The following INTS1 variants were observed in gnomAD, a reference collection of about 807,000 sequenced individuals.
INTS1 encodes the protein integrator complex subunit 1.
INTS1 carries 137 observed loss-of-function variants against 241.6 expected under a neutral mutation model. That is an observed-to-expected ratio of 0.57 (90% CI 0.49 to 0.65). INTS1 has a LOEUF of 0.65. Ranked by LOEUF, INTS1 falls within the 30% of genes least tolerant of loss-of-function variation. The pLI is 0.00. For synonymous variants in INTS1, 1,692 were observed against 1,337.8 expected, an observed-to-expected ratio of 1.26 and a Z score of -5.78; for missense variants, 3,073 against 3,032.2, an observed-to-expected ratio of 1.01 and a Z score of -0.32.
chr7:1,489,023 G>C (rs964108145), intron 18 of INTS1, among the ~76,000 whole-genome samples: 10 of 152,056 alleles, frequency 6.6e-5, no homozygotes, highest in Non-Finnish European at 1.2e-4. Context: ...ACGTCCTCCA[G>C]CATCGCACCA....
Position 1,476,664 on chromosome 7 carries a change from G to C in INTS1, c.5064-7C>G, listed in dbSNP as rs1278799875. The stretch of plus-strand genomic sequence containing the variant: ...AGAGGCAGAGGGGTCGAACCTGTGG[G>C]GAGGCAAAGGTTCCAGAGCACGAGG... On this transcript the variant is annotated splice_region_variant and splice_polypyrimidine_tract_variant and intron_variant, in intron 36 of 47. Transcript: ENST00000404767. The C allele has an allele frequency of 1.9e-6, 3 of 1,612,446 alleles. No individual in the cohort carries two copies. The African/African-American group carries it at 4.0e-5, about 22-fold the overall frequency.
chr7:1,492,979 G>T (rs373234485), intron 16 of INTS1, 31 bp downstream of exon 16: 1 of 1,559,984 alleles, frequency 6.4e-7, no homozygotes. Context: ...GGCTTACCCG[G>T]GCGGGAGTGG....
At chr7:1,478,988 G>A (rs949068960) in intron 31 of INTS1, 103 bp from the exon 32 acceptor site, 42 of 1,325,276 alleles carry the variant, frequency 3.2e-5, no homozygotes, top group East Asian at 5.1e-5. Flanking sequence ...GACCTGCCGC[G>A]ACCGGCACTT....
intron 12 of INTS1, 33 bp downstream of exon 12, chr7:1,496,123 C>G (rs1342690669): frequency 6.4e-7 from 1 of 1,572,786 alleles, no homozygotes; most frequent in Admixed American, 1.7e-5. Flanking sequence ...GAGACCCCCA[C>G]CAAGCAGGGC....
chr7:1,486,872 C>T (rs775171895), intron 21 of INTS1, 50 bp downstream of exon 21: 16 of 1,567,882 alleles, frequency 1.0e-5, no homozygotes, highest in Non-Finnish European at 1.4e-5. Context: ...GTTGCCCTGA[C>T]AGGGGTGCGG....
rs2128542866 is a variant in INTS1 at position 1,496,149 on chromosome 7, T to A, written c.1711+7A>T. ...CAAGCAGGGCCAGGCCACCCCCACA[T>A]CCTTACTCCTCTTTTCTCCTTTGTC... On this transcript the variant is annotated splice_region_variant and intron_variant, in intron 12 of 47. Transcript: ENST00000404767. 1 of 1,612,056 alleles carries A rather than the reference T, an allele frequency of 6.2e-7. No homozygotes were observed. Among genetic ancestry groups the A allele is most frequent in the Non-Finnish European group, 8.5e-7 (1 of 1,178,298 alleles).
chr7:1,499,308 C>A lies in INTS1; in HGVS notation c.897G>T (p.Leu299Phe). The A allele has an allele frequency of 6.2e-7, 1 of 1,606,492 alleles. No homozygotes were observed. Among genetic ancestry groups the A allele is most frequent in the Non-Finnish European group, 8.5e-7 (1 of 1,176,800 alleles). Residue 299 changes from leucine to phenylalanine, a missense_variant, in exon 7 of 48, where the codon TTG becomes TTT. Coordinates refer to ENST00000404767, the MANE Select transcript of INTS1 (RefSeq NM_001080453.3). ...LTEEEDSQTE[L>F]LIAEEKLSPE... ...GGCTCAGCTTCTCCTCCGCGATCAG[C>A]AACTCCGTCTGGCTGTCCTCCTCCT...
At chr7:1,490,134 T>G (rs1028466673) in intron 16 of INTS1, among the ~76,000 whole-genome samples, 6 of 152,106 alleles carry the variant, frequency 3.9e-5, no homozygotes, top group African/African-American at 1.4e-4. Context: ...CAGAGGCTGC[T>G]GAGTGGGAAA....
chr7:1,483,930 G>A lies in INTS1; in HGVS notation c.3429+73C>T, dbSNP rs372809159. 105 of 1,583,624 alleles carry A rather than the reference G, an allele frequency of 6.6e-5. 1 individual carries two copies. Among genetic ancestry groups the A allele is most frequent in the East Asian group, 5.4e-4 (24 of 44,326 alleles). On this transcript the variant is annotated intron_variant, in intron 25 of 47. Coordinates refer to ENST00000404767, the MANE Select transcript of INTS1 (RefSeq NM_001080453.3). The stretch of plus-strand genomic sequence containing the variant: ...GCGCCGAGGGTACCCAGCTGGCACC[G>A]AGCGTGCCGTGCAGCCTCACCCAGC...
chr7:1,491,914 G>A (rs1037558294), intron 16 of INTS1, among the ~76,000 whole-genome samples: 5 of 152,314 alleles, frequency 3.3e-5, no homozygotes, highest in Middle Eastern at 3.4e-3. Flanking sequence ...CACAAAAAAC[G>A]GAAAATGCAA....
chr7:1,472,434 G>T, intron 43 of INTS1, 48 bp from the exon 44 acceptor site: 1 of 1,343,642 alleles, frequency 7.4e-7, no homozygotes, highest in East Asian at 2.5e-5. Context: ...GGCAGGACGT[G>T]CCACACTGAG....
chr7:1,478,360 A>C lies in INTS1; in HGVS notation c.4630+6T>G. On this transcript the variant is annotated splice_donor_region_variant and intron_variant, in intron 33 of 47. Coordinates refer to ENST00000404767, the MANE Select transcript of INTS1 (RefSeq NM_001080453.3). ...GTGGCCCAAGAGGATGGTGCCAGGA[A>C]GGTACCTTTGCTGATCAGGTCCGGC... 6.2e-7 allele frequency: 1 copy of C among 1,611,534 alleles called. No individual in the cohort carries two copies. Among genetic ancestry groups the C allele is most frequent in the Non-Finnish European group, 8.5e-7 (1 of 1,178,884 alleles).
chr7:1,474,409 G>C (rs1781618295), intron 40 of INTS1, 49 bp from the exon 41 acceptor site: 2 of 1,518,156 alleles, frequency 1.3e-6, no homozygotes, highest in African/African-American at 2.8e-5. Context: ...GGGCTCACCT[G>C]GCGCACGTCC....
In INTS1 at chr7:1,485,478, G is replaced by A. The variant is rs774770660; in HGVS notation, c.2977-9C>T. ...AGCACCAGCGACAAACCCTGTGGCA[G>A]ACACTCATGAGCTGGGCCGGCTTTC... On this transcript the variant is annotated splice_polypyrimidine_tract_variant and intron_variant, in intron 22 of 47. Transcript: ENST00000404767. 1 of 1,611,066 alleles carries A rather than the reference G, an allele frequency of 6.2e-7. No homozygotes were observed. The highest frequency in any genetic ancestry group is 8.5e-7 in the Non-Finnish European group (1 of 1,179,684).
intron 39 of INTS1, among the ~76,000 whole-genome samples, chr7:1,475,609 C>T (rs1215090380): frequency 3.9e-5 from 6 of 152,142 alleles, no homozygotes; most frequent in Non-Finnish European, 8.8e-5. Flanking sequence ...CGCCAAGACC[C>T]GGGCACGAGT....
In INTS1 at chr7:1,499,824, C is replaced by T. The variant is rs558706226; in HGVS notation, c.684+60G>A. ...AGAGAACACACTTCTGCTTTTCTCTCGCCCCTGCCCCACCCCGTGGCGCTC... is the reference window on the plus strand; with the variant it reads ...AGAGAACACACTTCTGCTTTTCTCTTGCCCCTGCCCCACCCCGTGGCGCTC... On this transcript the variant is annotated intron_variant, in intron 5 of 47. Coordinates refer to ENST00000404767, the MANE Select transcript of INTS1 (RefSeq NM_001080453.3). 1.7e-4 allele frequency: 267 copies of T among 1,557,868 alleles called. 1 individual carries two copies. The African/African-American group carries it at 2.8e-3, about 16-fold the overall frequency.
In INTS1 at chr7:1,500,036, G is replaced by C. The variant is rs553227897; in HGVS notation, c.547-15C>G. ...CTACACAGAGCCTGCCAGGGAGGGC[G>C]CATGTCACGTGGGAGCTTCGCTGGC... On this transcript the variant is annotated splice_polypyrimidine_tract_variant and intron_variant, in intron 4 of 47. Coordinates refer to ENST00000404767, the MANE Select transcript of INTS1 (RefSeq NM_001080453.3). The C allele has an allele frequency of 1.2e-6, 2 of 1,611,346 alleles. No homozygotes were observed. The highest frequency in any genetic ancestry group is 3.3e-5 in the Admixed American group (2 of 59,944).
At chr7:1,504,170 C>G (rs933219037) in intron 1 of INTS1, among the ~76,000 whole-genome samples, 153 bp downstream of exon 1, 3 of 152,164 alleles carry the variant, frequency 2.0e-5, no homozygotes, top group Non-Finnish European at 4.4e-5. Flanking sequence ...CCCAGCCGCC[C>G]GGGAGCGGCT....
In INTS1 at chr7:1,479,612, C is replaced by T; in HGVS notation, c.4147G>A (p.Ala1383Thr). 3.3e-6 allele frequency: 5 copies of T among 1,531,498 alleles called. No individual in the cohort carries two copies. In the South Asian group the frequency reaches 4.8e-5, roughly 15 times the overall value. The allele number at this position is 1,531,498 out of a possible 1,614,324, so 94.9% of individuals were successfully genotyped here. Residue 1383 changes from alanine to threonine, a missense_variant, in exon 31 of 48, where the codon GCC becomes ACC. By Grantham distance (58) the Ala-to-Thr change is moderately conservative. Coordinates refer to ENST00000404767, the MANE Select transcript of INTS1 (RefSeq NM_001080453.3). ...PRPVALALQQ[A>T]LGQELARVVQ... ...ACGCGGGCCAGCTCCTGGCCCAGGG[C>T]CTGCTGCAGGGCGAGGGCCACGGGG...
Sources: allele counts gnomAD v4.1 joint callset (sites outside exome capture counted in the v4.1 genomes callset), GRCh38; gene constraint gnomAD v4.1.1; transcripts MANE v1.5; gene names NCBI Gene and HGNC (gene_info 2026-07-23, HGNC 2026-07-21).